The following SPPL2A variants were observed in gnomAD, a reference collection of about 807,000 sequenced individuals.
SPPL2A encodes signal peptide peptidase-like 2A.
SPPL2A carries 51 observed loss-of-function variants against 63.8 expected under a neutral mutation model. The observed-to-expected ratio is 0.80, with a 90% CI of 0.64 to 1.01. SPPL2A has a LOEUF of 1.01. Among genes scored for constraint, SPPL2A ranks in the 50% least tolerant of loss-of-function variants. The pLI, the probability that SPPL2A is intolerant of heterozygous loss-of-function variation, is 0.00. For synonymous variants in SPPL2A, 188 were observed against 205.8 expected, an observed-to-expected ratio of 0.91 and a Z score of 0.74; for missense variants, 553 against 622.7, an observed-to-expected ratio of 0.89 and a Z score of 1.19.
At chr15:50,762,849 C>T (rs1307257874) in intron 1 of SPPL2A, among the ~76,000 whole-genome samples, 2 of 151,538 alleles carry the variant, frequency 1.3e-5, no homozygotes, top group African/African-American at 4.8e-5. Flanking sequence ...TCTTCCGCCT[C>T]AGCCTCCCAA....
chr15:50,712,679 C>CTTT (rs1555440537), intron 14 of SPPL2A, among the ~76,000 whole-genome samples: 6 of 102,936 alleles, frequency 5.8e-5, no homozygotes, highest in Admixed American at 2.0e-4. Context: ...CTCCCCCCCC[C>CTTT]TTTTTTTTTT....
chr15:50,747,877 A>C, intron 4 of SPPL2A: 1 of 463,732 alleles, frequency 2.2e-6, no homozygotes. Context: ...GTTAAGATAA[A>C]TGACATGACA....
intron 11 of SPPL2A, 37 bp from the exon 12 acceptor site, chr15:50,725,360 CAA>C: frequency 2.8e-6 from 3 of 1,083,632 alleles, no homozygotes; most frequent in Non-Finnish European, 4.0e-6. Flanking sequence ...CAAAACAAAA[CAA>C]AAAACAAAAC....
intron 1 of SPPL2A, 44 bp downstream of exon 1, chr15:50,765,424 C>A: frequency 6.8e-7 from 1 of 1,465,376 alleles, no homozygotes; most frequent in Non-Finnish European, 9.0e-7. Flanking sequence ...GGCCCCGGCC[C>A]CGCCCAGCCC....
Position 50,765,497 on chromosome 15 carries a change from C to G in SPPL2A, c.37G>C (p.Ala13Pro). The G allele has an allele frequency of 6.7e-7, 1 of 1,502,648 alleles. No homozygotes were observed. The highest frequency in any genetic ancestry group is 8.8e-7 in the Non-Finnish European group (1 of 1,133,390). The allele number at this position is 1,502,648 out of a possible 1,614,324, so 93.1% of individuals were successfully genotyped here. The change falls in exon 1 of 15, where the codon GCC (alanine) becomes CCC (proline). Residue 13 changes from alanine (A) to proline (P), a missense_variant. Physicochemically the swap from Ala to Pro is conservative, Grantham distance 27 (BLOSUM62 -1). Transcript: ENST00000261854. Reference protein sequence around the residue: ...PQRRLSPAGAALLWGFLLQLT... With the variant: ...PQRRLSPAGAPLLWGFLLQLT... ...TGGAGCAGGAAGCCCCAGAGTAGGG[C>G]GGCCCCGGCAGGGGACAGCCGCCGC...
intron 14 of SPPL2A, among the ~76,000 whole-genome samples, chr15:50,719,047 CTT>C (rs2062623007): frequency 6.6e-6 from 1 of 151,904 alleles, no homozygotes; most frequent in African/African-American, 2.4e-5. Context: ...TGCAAACAGA[CTT>C]TACTGGAATA....
chr15:50,764,774 T>A (rs2063043249), intron 1 of SPPL2A, among the ~76,000 whole-genome samples: 1 of 152,160 alleles, frequency 6.6e-6, no homozygotes. Flanking sequence ...TATGAACACA[T>A]ATTTCTTACT....
chr15:50,733,387 T>A (rs1201663065), intron 8 of SPPL2A, among the ~76,000 whole-genome samples: 1 of 152,196 alleles, frequency 6.6e-6, no homozygotes, highest in Non-Finnish European at 1.5e-5. Context: ...TTTCTGGTTA[T>A]CTTCCTACAA....
intron 14 of SPPL2A, among the ~76,000 whole-genome samples, chr15:50,709,513 C>T (rs2062540194): frequency 2.0e-5 from 3 of 151,818 alleles, no homozygotes; most frequent in Non-Finnish European, 2.9e-5. Flanking sequence ...AAACCTGGGC[C>T]GGGCGCGGTG....
intron 1 of SPPL2A, among the ~76,000 whole-genome samples, chr15:50,754,937 G>A (rs527432047): frequency 1.4e-4 from 21 of 151,244 alleles, no homozygotes; most frequent in Non-Finnish European, 2.5e-4. Flanking sequence ...AGCCAAGATC[G>A]AGCCATTGCA....
intron 1 of SPPL2A, among the ~76,000 whole-genome samples, chr15:50,762,367 C>CA (rs5812527): frequency 0.052 from 5,993 of 115,578 alleles, 153 homozygotes; most frequent in African/African-American, 0.076. Flanking sequence ...GACTCCATCT[C>CA]AAAAAAAAAA....
At chr15:50,745,307 C>T (rs2062849471) in intron 5 of SPPL2A, among the ~76,000 whole-genome samples, 1 of 152,068 alleles carries the variant, frequency 6.6e-6, no homozygotes, top group South Asian at 2.1e-4. Context: ...CACGCCACCA[C>T]ACCTGTTTGA....
At chr15:50,751,125 C>T (rs2062902213) in intron 1 of SPPL2A, among the ~76,000 whole-genome samples, 1 of 152,118 alleles carries the variant, frequency 6.6e-6, no homozygotes, top group African/African-American at 2.4e-5. Flanking sequence ...ATAGGGAATT[C>T]ATAAAACATG....
chr15:50,725,973 T>G (rs1157527036), intron 11 of SPPL2A: 1 of 677,064 alleles, frequency 1.5e-6, no homozygotes, highest in Non-Finnish European at 2.2e-6. Context: ...CAGGCCTAAT[T>G]TTTTTTGGCA....
intron 14 of SPPL2A, among the ~76,000 whole-genome samples, chr15:50,717,866 A>G (rs373150024): frequency 6.6e-6 from 1 of 151,630 alleles, no homozygotes; most frequent in African/African-American, 2.4e-5. Flanking sequence ...CAAGCACTGG[A>G]TATCCCATCT....
At chr15:50,719,045 G>A (rs2062622943) in intron 14 of SPPL2A, among the ~76,000 whole-genome samples, 1 of 151,926 alleles carries the variant, frequency 6.6e-6, no homozygotes, top group Admixed American at 6.6e-5. Context: ...AATGCAAACA[G>A]ACTTTACTGG....
intron 5 of SPPL2A, among the ~76,000 whole-genome samples, chr15:50,740,763 G>A (rs1044978560): frequency 2.6e-5 from 4 of 151,950 alleles, no homozygotes; most frequent in Admixed American, 1.3e-4. Flanking sequence ...GGCACATGCG[G>A]TTAGGCCCGG....
chr15:50,713,268 A>T (rs1026053344), intron 14 of SPPL2A, among the ~76,000 whole-genome samples: 17 of 140,954 alleles, frequency 1.2e-4, no homozygotes, highest in African/African-American at 3.6e-4. Context: ...TTTCCTGAGT[A>T]TTTTTTTTTT....
chr15:50,750,375 T>C (rs2062896279), intron 1 of SPPL2A, among the ~76,000 whole-genome samples: 1 of 152,200 alleles, frequency 6.6e-6, no homozygotes, highest in Admixed American at 6.6e-5. Flanking sequence ...CCACCGCACC[T>C]GGCCATTGTT....
Sources: gnomAD v4.1 joint callset for allele counts (sites outside exome capture counted in the v4.1 genomes callset) on GRCh38, gnomAD v4.1.1 for gene constraint, MANE v1.5 for transcripts, NCBI Gene and HGNC (gene_info 2026-07-23, HGNC 2026-07-21) for gene names.